GALNTL6: variants seen among roughly 807,000 people sequenced by gnomAD.
The protein encoded by GALNTL6 is polypeptide N-acetylgalactosaminyltransferase-like 6.
Under a neutral mutation model 73.7 loss-of-function variants are expected in GALNTL6, and 46 were observed. That is an observed-to-expected ratio of 0.62 (90% CI 0.49 to 0.80). GALNTL6 has a LOEUF of 0.80. GALNTL6 is among the 30% of genes least tolerant of loss of function. The pLI is 0.00. For synonymous variants in GALNTL6, 259 were observed against 263.7 expected, an observed-to-expected ratio of 0.98 and a Z score of 0.17; for missense variants, 604 against 755.0, an observed-to-expected ratio of 0.80 and a Z score of 2.34.
intron 2 of GALNTL6, among the ~76,000 whole-genome samples, chr4:172,211,618 A>G (rs758218994): frequency 6.6e-6 from 1 of 152,192 alleles, no homozygotes. Flanking sequence ...ACCTTTATCA[A>G]CTAGAGTACA....
intron 3 of GALNTL6, among the ~76,000 whole-genome samples, chr4:172,265,557 A>G (rs534798708): frequency 2.6e-5 from 4 of 152,240 alleles, no homozygotes; most frequent in East Asian, 1.9e-4. Flanking sequence ...GGTTCACTCA[A>G]TTGATCTAAG....
intron 7 of GALNTL6, among the ~76,000 whole-genome samples, chr4:172,874,886 G>T (rs970415758): frequency 1.1e-4 from 16 of 152,166 alleles, no homozygotes; most frequent in African/African-American, 3.9e-4. Context: ...CTCAAGCCTA[G>T]GACAGGACAC....
At chr4:173,014,362 G>T (rs1029305462) in intron 11 of GALNTL6, among the ~76,000 whole-genome samples, 1 of 152,216 alleles carries the variant, frequency 6.6e-6, no homozygotes, top group African/African-American at 2.4e-5. Context: ...GAGAGGAGTG[G>T]CGGGGAGGAA....
At chr4:172,680,667 G>T (rs529063497) in intron 5 of GALNTL6, among the ~76,000 whole-genome samples, 2 of 152,234 alleles carry the variant, frequency 1.3e-5, no homozygotes, top group African/African-American at 4.8e-5. Context: ...TAAAAAAGCC[G>T]TCTTCTTTTC....
chr4:172,580,448 A>T (rs1369209187), intron 5 of GALNTL6, among the ~76,000 whole-genome samples: 1 of 152,250 alleles, frequency 6.6e-6, no homozygotes, highest in Non-Finnish European at 1.5e-5. Context: ...ATCAGATTGG[A>T]CATAACTCAA....
chr4:172,836,888 C>T (rs544111041), intron 7 of GALNTL6, among the ~76,000 whole-genome samples: 1 of 152,296 alleles, frequency 6.6e-6, no homozygotes, highest in East Asian at 1.9e-4. Flanking sequence ...CCAGGAGACA[C>T]ACACCTCAGC....
chr4:171,885,904 C>T (rs916413344), intron 2 of GALNTL6, among the ~76,000 whole-genome samples: 2 of 152,100 alleles, frequency 1.3e-5, no homozygotes, highest in Non-Finnish European at 2.9e-5. Context: ...AGTCCTCAGT[C>T]AATCTTTGGA....
At chr4:172,058,351 T>C (rs1189581584) in intron 2 of GALNTL6, among the ~76,000 whole-genome samples, 1 of 152,170 alleles carries the variant, frequency 6.6e-6, no homozygotes, top group Non-Finnish European at 1.5e-5. Context: ...CCGAATTAAA[T>C]ACATATATAA....
intron 3 of GALNTL6, among the ~76,000 whole-genome samples, chr4:172,299,060 A>C (rs939580460): frequency 6.6e-6 from 1 of 152,214 alleles, no homozygotes; most frequent in African/African-American, 2.4e-5. Context: ...TTATTGGTCT[A>C]TTCAGAGATT....
chr4:172,205,259 G>T (rs1211828589), intron 2 of GALNTL6, among the ~76,000 whole-genome samples: 1 of 152,116 alleles, frequency 6.6e-6, no homozygotes, highest in Non-Finnish European at 1.5e-5. Context: ...CAGTTAAAAA[G>T]CAAGGATCTG....
chr4:172,127,771 G>C (rs1224823472), intron 2 of GALNTL6, among the ~76,000 whole-genome samples: 1 of 152,100 alleles, frequency 6.6e-6, no homozygotes, highest in African/African-American at 2.4e-5. Context: ...TTGGTTTATA[G>C]TTTCATGATT....
intron 5 of GALNTL6, among the ~76,000 whole-genome samples, chr4:172,746,984 G>A (rs1251581470): frequency 1.3e-5 from 2 of 151,936 alleles, no homozygotes; most frequent in African/African-American, 4.8e-5. Context: ...TGTTAAAACT[G>A]ATAAATTCAG....
intron 2 of GALNTL6, among the ~76,000 whole-genome samples, chr4:171,830,997 C>G (rs974969231): frequency 6.6e-6 from 1 of 152,036 alleles, no homozygotes; most frequent in Admixed American, 6.6e-5. Flanking sequence ...TGACTGAGTT[C>G]ATTAATACAC....
intron 5 of GALNTL6, among the ~76,000 whole-genome samples, chr4:172,478,776 A>G (rs563481865): frequency 2.3e-4 from 35 of 152,352 alleles, no homozygotes; most frequent in African/African-American, 8.2e-4. Flanking sequence ...ACTAATATCC[A>G]GAACCTATAA....
chr4:172,829,683 TTAAG>T (rs1742515848), intron 7 of GALNTL6, among the ~76,000 whole-genome samples: 1 of 152,316 alleles, frequency 6.6e-6, no homozygotes, highest in East Asian at 1.9e-4. Context: ...GACATAGCCT[TTAAG>T]TAATAGATTT....
chr4:172,024,390 C>T (rs565410386), intron 2 of GALNTL6, among the ~76,000 whole-genome samples: 8 of 151,782 alleles, frequency 5.3e-5, no homozygotes, highest in African/African-American at 1.9e-4. Flanking sequence ...TGCCTCTAGG[C>T]TTAATTTAAT....
At chr4:172,243,847 A>C (rs2110998904) in intron 3 of GALNTL6, among the ~76,000 whole-genome samples, 1 of 152,254 alleles carries the variant, frequency 6.6e-6, no homozygotes, top group Non-Finnish European at 1.5e-5. Flanking sequence ...AACTAAACAG[A>C]ATGAGAAGCA....
intron 5 of GALNTL6, among the ~76,000 whole-genome samples, chr4:172,539,908 A>ATATATATATAT (rs1561128725): frequency 5.0e-5 from 5 of 99,696 alleles, no homozygotes; most frequent in East Asian, 2.3e-4. Context: ...TATATATATA[A>ATATATATATAT]AAAATCTCAT....
At chr4:172,469,968 A>G (rs532698075) in intron 5 of GALNTL6, among the ~76,000 whole-genome samples, 5 of 152,216 alleles carry the variant, frequency 3.3e-5, no homozygotes, top group African/African-American at 1.2e-4. Context: ...GAAGAAATGT[A>G]GCACAGCTGC....
Sources: gnomAD v4.1 joint callset for allele counts (sites outside exome capture counted in the v4.1 genomes callset) on GRCh38, gnomAD v4.1.1 for gene constraint, MANE v1.5 for transcripts, NCBI Gene and HGNC (gene_info 2026-07-23, HGNC 2026-07-21) for gene names.